PCDHA9: variants seen among roughly 807,000 people sequenced by gnomAD.
The protein encoded by PCDHA9 is protocadherin alpha 9.
A neutral mutation model predicts 62.0 loss-of-function variants in PCDHA9; 62 were observed. That is an observed-to-expected ratio of 1.00 (90% confidence interval 0.81 to 1.23). PCDHA9 has a LOEUF of 1.23. PCDHA9 is among the 50% of genes most tolerant of loss of function. The pLI is 0.00. For synonymous variants in PCDHA9, 557 were observed against 567.6 expected (o/e 0.98, Z 0.27); for missense variants, 1,205 against 1,249.8 (o/e 0.96, Z 0.54).
Position 140,936,735 on chromosome 5 carries a change from A to G in PCDHA9, c.2395-42214A>G, listed in dbSNP as rs75635765. 5.4e-3 allele frequency among the ~76,000 whole-genome samples: 829 copies of G among 152,226 alleles called. 3 individuals carry two copies. The highest frequency in any genetic ancestry group is 0.019 in the African/African-American group (798 of 41,528). ...AATACATTCTGTGTTAAATATAGTA[A>G]CTTTTCATTTGTATTGATATCTAAT... On this transcript the variant is annotated intron_variant, in intron 1 of 3. Coordinates refer to ENST00000532602, the MANE Select transcript of PCDHA9 (RefSeq NM_031857.2).
At chr5:140,967,649 T>C in intron 1 of PCDHA9, 1 of 1,614,132 alleles carries the variant, frequency 6.2e-7, no homozygotes. Context: ...GCTCAGGTAC[T>C]CCTTGAGCAG....
intron 3 of PCDHA9, among the ~76,000 whole-genome samples, chr5:140,996,256 A>C (rs2097718697): frequency 6.6e-6 from 1 of 152,252 alleles, no homozygotes. Flanking sequence ...TGACAGCAAC[A>C]CAGAGCCTGG....
intron 1 of PCDHA9, among the ~76,000 whole-genome samples, chr5:140,892,769 T>C (rs1182235195): frequency 6.6e-6 from 1 of 152,210 alleles, no homozygotes; most frequent in Non-Finnish European, 1.5e-5. Context: ...TCCACTCTTC[T>C]AGCTTCTTGA....
Position 140,849,687 on chromosome 5 carries a change from G to T in PCDHA9, c.1192G>T (p.Val398Leu). The T allele has an allele frequency of 6.3e-7, 1 of 1,598,686 alleles. No homozygotes were observed. The stretch of plus-strand genomic sequence containing the variant: ...GACGCCCCACGTCCCCTTCAAGCTG[G>T]TGTCCACCTACAAGAATTACTACTC... ...SLTPHVPFKL[V>L]STYKNYYSLV... is the part of the protein sequence containing the mutation. Residue 398 changes from valine to leucine, a missense_variant, in exon 1 of 4, where the codon GTG becomes TTG. Coordinates refer to ENST00000532602, the MANE Select transcript of PCDHA9 (RefSeq NM_031857.2).
At chr5:140,859,799 T>C (rs2046021191) in intron 1 of PCDHA9, 1 of 152,502 alleles carries the variant, frequency 6.6e-6, no homozygotes. Flanking sequence ...AAATTATAGA[T>C]GCTAAGTTAA....
At position 140,878,940 on chromosome 5, in the gene PCDHA9, A is replaced by G. The variant is rs554609702; in HGVS notation, c.2394+28051A>G. ...CTTCAATCAATAATTTTAAATAAATATATGGTATTGAAATGTATTACCTGG... is the reference window on the plus strand; with the variant it reads ...CTTCAATCAATAATTTTAAATAAATGTATGGTATTGAAATGTATTACCTGG... On this transcript the variant is annotated intron_variant, in intron 1 of 3. Transcript: ENST00000532602. 9.8e-5 allele frequency among the ~76,000 whole-genome samples: 15 copies of G among 152,366 alleles called. No individual in the cohort carries two copies. In the East Asian group the frequency reaches 2.3e-3, roughly 23 times the overall value.
Position 140,892,511 on chromosome 5 carries a change from C to T in PCDHA9, c.2394+41622C>T, listed in dbSNP as rs115588708. Among the ~76,000 whole-genome samples the T allele has an allele frequency of 8.0e-3, 1,214 of 152,282 alleles. 6 individuals carry two copies. Among genetic ancestry groups the T allele is most frequent in the African/African-American group, 0.019 (784 of 41,558 alleles). On this transcript the variant is annotated intron_variant, in intron 1 of 3. Coordinates refer to ENST00000532602, the MANE Select transcript of PCDHA9 (RefSeq NM_031857.2). ...TGAGAGATTGTTTAAGAAGTTCCAC[C>T]ATGACTGGTAGACTCAGGATTCTGA...
intron 1 of PCDHA9, among the ~76,000 whole-genome samples, chr5:140,944,398 G>C (rs1326523434): frequency 4.6e-5 from 7 of 152,104 alleles, no homozygotes; most frequent in African/African-American, 2.4e-5. Flanking sequence ...TGTTATCCAG[G>C]CTGGTCTCGA....
chr5:140,982,441 T>G (rs368663739), intron 2 of PCDHA9, 34 bp from the exon 3 acceptor site: 18 of 1,613,728 alleles, frequency 1.1e-5, no homozygotes, highest in Non-Finnish European at 1.5e-5. Flanking sequence ...GAATTTATGA[T>G]CTAACCGTTA....
chr5:140,922,358 A>T (rs1273986507), intron 1 of PCDHA9, among the ~76,000 whole-genome samples: 2 of 152,212 alleles, frequency 1.3e-5, no homozygotes, highest in African/African-American at 4.8e-5. Flanking sequence ...TAGAGTAGTG[A>T]TTCTCACTGA....
At chr5:140,928,344 G>T (rs1554205800) in intron 1 of PCDHA9, 2 of 1,614,168 alleles carry the variant, frequency 1.2e-6, no homozygotes, top group East Asian at 2.2e-5. Flanking sequence ...CTTATGAGCT[G>T]TTGGATGTTA....
intron 3 of PCDHA9, among the ~76,000 whole-genome samples, chr5:140,988,219 G>C (rs976112285): frequency 1.3e-5 from 2 of 152,132 alleles, no homozygotes; most frequent in African/African-American, 2.4e-5. Flanking sequence ...AAAAAAATGA[G>C]ATCAGGGATC....
chr5:140,871,044 A>G, intron 1 of PCDHA9: 1 of 1,613,304 alleles, frequency 6.2e-7, no homozygotes, highest in Non-Finnish European at 8.5e-7. Flanking sequence ...ACCGACTTCT[A>G]GTACTGGTGA....
Position 141,010,446 on chromosome 5 carries a change from C to A in PCDHA9, c.*509C>A. On this transcript the variant is annotated 3_prime_UTR_variant, in exon 4 of 4. Coordinates refer to ENST00000532602, the MANE Select transcript of PCDHA9 (RefSeq NM_031857.2). ...AGGCAAGAAAACAAAGACAAATAAA[C>A]AGCGGAAGTTATCAGTATGGAGGGG... 1 of 944,706 alleles carries A rather than the reference C, an allele frequency of 1.1e-6. No homozygotes were observed. The highest frequency in any genetic ancestry group is 1.7e-5 in the African/African-American group (1 of 60,424). The allele number at this position is 944,706 out of a possible 1,614,324, so 58.5% of individuals were successfully genotyped here.
At chr5:140,902,989 T>G (rs1350698990) in intron 1 of PCDHA9, among the ~76,000 whole-genome samples, 1 of 152,238 alleles carries the variant, frequency 6.6e-6, no homozygotes, top group East Asian at 1.9e-4. Context: ...GGTTCCATAT[T>G]TTTGCAATTG....
Position 140,968,209 on chromosome 5 carries a change from C to A in PCDHA9, c.2395-10740C>A, listed in dbSNP as rs781795931. The A allele has an allele frequency of 2.5e-6, 4 of 1,613,884 alleles. No homozygotes were observed. In the African/African-American group the frequency reaches 4.0e-5, roughly 16 times the overall value. Reference sequence around the variant, plus strand: ...CCTATTCCATCTACATACAGGAGAACAATTTGCCAGGTGTGTTGCTCTGTA... The same window carrying A: ...CCTATTCCATCTACATACAGGAGAAAAATTTGCCAGGTGTGTTGCTCTGTA... On this transcript the variant is annotated intron_variant, in intron 1 of 3. Coordinates refer to ENST00000532602, the MANE Select transcript of PCDHA9 (RefSeq NM_031857.2).
intron 3 of PCDHA9, 56 bp downstream of exon 3, chr5:140,982,619 C>G (rs561557496): frequency 7.5e-6 from 12 of 1,589,654 alleles, no homozygotes; most frequent in Middle Eastern, 3.4e-4. Context: ...GATCAGATGA[C>G]CTACTTTTGT....
chr5:140,951,252 A>AT (rs1488592252), intron 1 of PCDHA9, among the ~76,000 whole-genome samples: 16 of 151,738 alleles, frequency 1.1e-4, no homozygotes, highest in Admixed American at 1.1e-3. Context: ...AATGCATCAC[A>AT]TTTTTCTGGT....
chr5:140,946,611 A>T (rs868983636), intron 1 of PCDHA9, among the ~76,000 whole-genome samples: 1 of 86,804 alleles, frequency 1.2e-5, no homozygotes, highest in Admixed American at 1.2e-4. Context: ...GAAAATGTGA[A>T]ATATATATAT....
Sources: gnomAD v4.1 joint callset for allele counts (sites outside exome capture counted in the v4.1 genomes callset) on GRCh38, gnomAD v4.1.1 for gene constraint, MANE v1.5 for transcripts, NCBI Gene and HGNC (gene_info 2026-07-23, HGNC 2026-07-21) for gene names.